Variants in BRWD3 observed in about 807,000 individuals in gnomAD.
BRWD3 encodes the protein bromodomain and WD repeat domain containing 3.
Under a neutral mutation model 149.7 loss-of-function variants are expected in BRWD3, and 10 were observed. The observed-to-expected ratio is 0.07, with a 90% confidence interval of 0.04 to 0.11. The LOEUF (loss-of-function observed/expected upper bound fraction) is 0.11, where lower values mean the gene tolerates loss of function less well. Among genes scored for constraint, BRWD3 ranks in the 10% least tolerant of loss-of-function variants. The probability of loss-of-function intolerance (pLI) is 1.00; values close to 1 mark genes in which losing one functional copy is unlikely to be tolerated. For missense variants in BRWD3, 940 were observed against 1,373.2 expected, an observed-to-expected ratio of 0.68 and a Z score of 4.99; for synonymous variants, 504 against 456.7, an observed-to-expected ratio of 1.10 and a Z score of -1.32.
intron 8 of BRWD3, among the ~76,000 whole-genome samples, chrX:80,740,441 C>G (rs1306454714): frequency 8.9e-6 from 1 of 111,995 alleles, no homozygotes; most frequent in Non-Finnish European, 1.9e-5. Flanking sequence ...CAACGTATTC[C>G]ACATTAAAAA....
At chrX:80,709,678 G>T in intron 20 of BRWD3, 101 bp from the exon 21 acceptor site, 1 of 698,852 alleles carries the variant, frequency 1.4e-6, no homozygotes, top group Non-Finnish European at 2.1e-6. Context: ...GGGTGAGTAG[G>T]AGATGAGAAT....
At chrX:80,769,799 A>G (rs764119663) in intron 6 of BRWD3, among the ~76,000 whole-genome samples, 1 of 111,000 alleles carries the variant, frequency 9.0e-6, no homozygotes, top group South Asian at 3.8e-4. Flanking sequence ...AAAAAAATCA[A>G]TGAATCCAGG....
intron 38 of BRWD3, 37 bp downstream of exon 38, chrX:80,682,428 T>C (rs2072464042): frequency 8.4e-7 from 1 of 1,193,166 alleles, no homozygotes; most frequent in African/African-American, 1.8e-5. Flanking sequence ...TACAAAATGC[T>C]TTGAGAACAA....
chrX:80,756,367 T>C (rs1374424659), intron 6 of BRWD3, among the ~76,000 whole-genome samples: 1 of 108,219 alleles, frequency 9.2e-6, no homozygotes, highest in Non-Finnish European at 1.9e-5. Flanking sequence ...CTGGGCCTGG[T>C]GGTGCATGCC....
intron 20 of BRWD3, chrX:80,710,168 C>A: frequency 2.0e-6 from 1 of 506,576 alleles, no homozygotes; most frequent in Non-Finnish European, 3.7e-6. Flanking sequence ...TAAACTGTTA[C>A]GTAATTTTAT....
At position 80,670,171 on chromosome X, in the gene BRWD3, G is replaced by A. The variant is rs1489013975; in HGVS notation, c.*6438C>T. On this transcript the variant is annotated 3_prime_UTR_variant, in exon 41 of 41. Transcript: ENST00000373275. ...GAACTTTGGGGGAAAAATCGATACCGTAAAAAGTTTACTTCATTTAATATT... is the reference window on the plus strand; with the variant it reads ...GAACTTTGGGGGAAAAATCGATACCATAAAAAGTTTACTTCATTTAATATT... Among the ~76,000 whole-genome samples the A allele has an allele frequency of 5.4e-5, 6 of 110,790 alleles. No homozygotes were observed. Among genetic ancestry groups the A allele is most frequent in the African/African-American group, 1.6e-4 (5 of 30,480 alleles).
At chrX:80,796,497 T>C (rs2147860726) in intron 4 of BRWD3, among the ~76,000 whole-genome samples, 1 of 111,950 alleles carries the variant, frequency 8.9e-6, no homozygotes, top group Admixed American at 9.5e-5. Flanking sequence ...GCCTTTTTTG[T>C]TTTCCTAGGA....
At chrX:80,779,004 C>G (rs1463761664) in intron 6 of BRWD3, among the ~76,000 whole-genome samples, 4 of 110,115 alleles carry the variant, frequency 3.6e-5, no homozygotes, top group African/African-American at 1.3e-4. Flanking sequence ...ATCTCAAAAA[C>G]AAACAATTTA....
chrX:80,720,892 T>C (rs752676430), intron 17 of BRWD3, among the ~76,000 whole-genome samples: 7 of 112,327 alleles, frequency 6.2e-5, no homozygotes, highest in Non-Finnish European at 9.4e-5. Context: ...ATTGTATGTA[T>C]AACTGTCTAT....
chrX:80,748,051 C>G (rs1302227408), intron 6 of BRWD3, among the ~76,000 whole-genome samples: 1 of 111,567 alleles, frequency 9.0e-6, no homozygotes, highest in African/African-American at 3.3e-5. Flanking sequence ...ACATGTTAGT[C>G]ACGCTGGTCT....
chrX:80,786,498 C>T (rs1243626257), intron 6 of BRWD3, among the ~76,000 whole-genome samples: 2 of 103,308 alleles, frequency 1.9e-5, no homozygotes, highest in Admixed American at 2.1e-4. Context: ...CCTGTACACT[C>T]TCACCCTTTT....
rs769913665 is a variant in BRWD3 at position 80,795,368 on chromosome X, T to C, written c.181-1596A>G. Among the ~76,000 whole-genome samples, 97 of 108,369 alleles carry C rather than the reference T, an allele frequency of 9.0e-4. 1 individual carries two copies. The highest frequency in any genetic ancestry group is 2.5e-3 in the African/African-American group (72 of 28,954). 94.1% of individuals were successfully genotyped at this position (108,369 alleles called of 115,157 possible). A position where few individuals can be genotyped will look rare whatever the true frequency, so the allele number is the denominator to read the frequency against. On this transcript the variant is annotated intron_variant, in intron 4 of 40. Coordinates refer to ENST00000373275, the MANE Select transcript of BRWD3 (RefSeq NM_153252.5). ...GTATATATATACACACACACACACATGTGTATATATACACACATATATACA... is the reference window on the plus strand; with the variant it reads ...GTATATATATACACACACACACACACGTGTATATATACACACATATATACA...
At chrX:80,809,063 G>A (rs2074381989) in intron 2 of BRWD3, 21 bp from the exon 3 acceptor site, 1 of 1,183,441 alleles carries the variant, frequency 8.4e-7, no homozygotes, top group Non-Finnish European at 1.1e-6. Context: ...GGGAAACACA[G>A]ATATGAGGAG....
Position 80,670,788 on chromosome X carries a change from C to T in BRWD3, c.*5821G>A, listed in dbSNP as rs1335534716. ...GGGCTATCTCTAACCAATTAAGCAACTAAACAAAAATACCAAACAACTTAT... is the reference window on the plus strand; with the variant it reads ...GGGCTATCTCTAACCAATTAAGCAATTAAACAAAAATACCAAACAACTTAT... On this transcript the variant is annotated 3_prime_UTR_variant, in exon 41 of 41. Transcript: ENST00000373275. The T allele has an allele frequency of 9.0e-6, 1 of 111,266 alleles. No homozygotes were observed. The highest frequency in any genetic ancestry group is 3.3e-5 in the African/African-American group (1 of 30,597). 9.2% of individuals were successfully genotyped at this position (111,266 alleles called of 1,213,427 possible).
At chrX:80,685,768 A>G (rs2072512911) in intron 35 of BRWD3, among the ~76,000 whole-genome samples, 2 of 111,783 alleles carry the variant, frequency 1.8e-5, no homozygotes, top group Non-Finnish European at 3.8e-5. Context: ...GTTGAACACA[A>G]TCTCGTTCCT....
intron 27 of BRWD3, among the ~76,000 whole-genome samples, chrX:80,695,018 A>T (rs1333154005): frequency 9.0e-6 from 1 of 111,018 alleles, no homozygotes; most frequent in Non-Finnish European, 1.9e-5. Flanking sequence ...ATCCCTTCAC[A>T]TCCAGGGAGG....
chrX:80,700,268 A>C (rs2147707778), intron 24 of BRWD3, among the ~76,000 whole-genome samples: 1 of 106,626 alleles, frequency 9.4e-6, no homozygotes, highest in South Asian at 4.2e-4. Flanking sequence ...TCATATAAAC[A>C]CAGTAAACAC....
chrX:80,741,478 T>C (rs1266469096), intron 8 of BRWD3, among the ~76,000 whole-genome samples: 2 of 111,959 alleles, frequency 1.8e-5, no homozygotes, highest in African/African-American at 6.5e-5. Context: ...GCATGAGGAA[T>C]GGCCACACTG....
chrX:80,697,297 T>C (rs1344354805), intron 25 of BRWD3, among the ~76,000 whole-genome samples: 4 of 111,779 alleles, frequency 3.6e-5, no homozygotes, highest in African/African-American at 1.3e-4. Context: ...TATATTTTAA[T>C]GTCTACAACA....
Sources: allele counts gnomAD v4.1 joint callset (sites outside exome capture counted in the v4.1 genomes callset), GRCh38; gene constraint gnomAD v4.1.1; transcripts MANE v1.5; gene names NCBI Gene and HGNC (gene_info 2026-07-23, HGNC 2026-07-21).